NAV2: variants seen among roughly 807,000 people sequenced by gnomAD.
NAV2 encodes neuron navigator 2.
NAV2 carries 54 observed loss-of-function variants against 223.2 expected under a neutral mutation model. The observed-to-expected ratio is 0.24, with a 90% confidence interval of 0.19 to 0.30. The LOEUF (loss-of-function observed/expected upper bound fraction) is 0.30. Among genes scored for constraint, NAV2 ranks in the 10% least tolerant of loss-of-function variants. The pLI, the probability that NAV2 is intolerant of heterozygous loss-of-function variation, is 1.00. For missense variants in NAV2, 2,806 were observed against 3,147.5 expected, an observed-to-expected ratio of 0.89 and a Z score of 2.60; for synonymous variants, 1,279 against 1,239.3, an observed-to-expected ratio of 1.03 and a Z score of -0.67.
chr11:19,401,036 C>T (rs1325748325), intron 1 of NAV2, among the ~76,000 whole-genome samples: 1 of 152,166 alleles, frequency 6.6e-6, no homozygotes, highest in Non-Finnish European at 1.5e-5. Flanking sequence ...CAGAATAACT[C>T]CTACCACAGA....
chr11:19,522,115 G>A lies in NAV2; in HGVS notation c.75+171088G>A, dbSNP rs373847014. On this transcript the variant is annotated intron_variant, in intron 1 of 37. Transcript: ENST00000360655. ...GTCACAAGACAGTAAATGAGCTCAAGGACTTGTTGGTGCCCGACATACGCC... is the reference window on the plus strand; with the variant it reads ...GTCACAAGACAGTAAATGAGCTCAAAGACTTGTTGGTGCCCGACATACGCC... 7.2e-5 allele frequency among the ~76,000 whole-genome samples: 11 copies of A among 152,284 alleles called. No individual in the cohort carries two copies. In the East Asian group the frequency reaches 1.4e-3, roughly 19 times the overall value.
intron 1 of NAV2, among the ~76,000 whole-genome samples, chr11:19,706,175 TAA>T (rs2049656774): frequency 6.6e-6 from 1 of 152,222 alleles, no homozygotes; most frequent in South Asian, 2.1e-4. Flanking sequence ...AGTCACAGTC[TAA>T]GTTTTAAATA....
At chr11:19,831,223 C>CGGTGGGGGGGGGGGGGGG (rs1555083701) in intron 1 of NAV2, among the ~76,000 whole-genome samples, 1 of 870 alleles carries the variant, frequency 1.1e-3, no homozygotes. Context: ...AGGAGTGTTG[C>CGGTGGGGGGGGGGGGGGG]GGGGGGGGGG....
chr11:19,634,015 T>G (rs182988268), intron 1 of NAV2, among the ~76,000 whole-genome samples: 1 of 152,246 alleles, frequency 6.6e-6, no homozygotes, highest in African/African-American at 2.4e-5. Flanking sequence ...CATAAAGGTA[T>G]GTTCCTTCCT....
At chr11:19,783,783 G>A (rs1275648389) in intron 1 of NAV2, among the ~76,000 whole-genome samples, 1 of 152,134 alleles carries the variant, frequency 6.6e-6, no homozygotes, top group African/African-American at 2.4e-5. Context: ...GGGTTGTTTA[G>A]TAAGATACAG....
intron 6 of NAV2, among the ~76,000 whole-genome samples, chr11:19,898,446 A>G (rs1438584264): frequency 6.6e-6 from 1 of 152,236 alleles, no homozygotes; most frequent in Non-Finnish European, 1.5e-5. Context: ...ACCCGTACAC[A>G]CATTGATATT....
chr11:19,930,487 T>G (rs921380019), intron 6 of NAV2, among the ~76,000 whole-genome samples: 1 of 152,192 alleles, frequency 6.6e-6, no homozygotes, highest in South Asian at 2.1e-4. Context: ...AGGACAGTGT[T>G]GCAACCTGCC....
At chr11:19,900,747 T>C in intron 6 of NAV2, among the ~76,000 whole-genome samples, 1 of 152,328 alleles carries the variant, frequency 6.6e-6, no homozygotes, top group South Asian at 2.1e-4. Context: ...TTATGGTTTT[T>C]CCCATCCAGA....
At chr11:20,083,444 C>T (rs531856992) in intron 26 of NAV2, among the ~76,000 whole-genome samples, 1 of 152,188 alleles carries the variant, frequency 6.6e-6, no homozygotes, top group South Asian at 2.1e-4. Flanking sequence ...TGTTTCCATA[C>T]CTCTATATAT....
In NAV2 at chr11:19,515,336, A is replaced by G. The variant is rs755202729; in HGVS notation, c.75+164309A>G. 5.3e-4 allele frequency among the ~76,000 whole-genome samples: 81 copies of G among 152,160 alleles called. 1 individual carries two copies. Among genetic ancestry groups the G allele is most frequent in the Non-Finnish European group, 1.1e-3 (74 of 68,030 alleles). ...GGGGTTCACAGCACTTACAGCTCAA[A>G]TATTATATTCCATGCCTGAGAGGGA... is the stretch of plus-strand genomic sequence containing the variant. On this transcript the variant is annotated intron_variant, in intron 1 of 37. Coordinates refer to the NAV2 transcript ENST00000360655.
intron 11 of NAV2, among the ~76,000 whole-genome samples, chr11:20,020,056 G>C (rs142923850): frequency 0.01 from 1,558 of 152,106 alleles, 29 homozygotes; most frequent in African/African-American, 0.036. Flanking sequence ...TCAGCCTGCA[G>C]GGAAAAGCCA....
At chr11:19,366,798 G>T (rs1590060938) in intron 1 of NAV2, among the ~76,000 whole-genome samples, 1 of 152,138 alleles carries the variant, frequency 6.6e-6, no homozygotes, top group Non-Finnish European at 1.5e-5. Context: ...CTGAGAATGT[G>T]CATAGTGAGA....
chr11:20,075,707 C>G (rs1382455039), intron 22 of NAV2, among the ~76,000 whole-genome samples: 1 of 152,068 alleles, frequency 6.6e-6, no homozygotes, highest in Non-Finnish European at 1.5e-5. Flanking sequence ...CCTCTCTTTA[C>G]CCCTCACATC....
chr11:19,946,897 G>A (rs939043624), intron 9 of NAV2, among the ~76,000 whole-genome samples: 5 of 152,272 alleles, frequency 3.3e-5, no homozygotes, highest in African/African-American at 1.2e-4. Context: ...GCAGCACTCT[G>A]TAATATTGTT....
At chr11:20,089,469 G>C (rs1289736835) in intron 26 of NAV2, among the ~76,000 whole-genome samples, 1 of 152,168 alleles carries the variant, frequency 6.6e-6, no homozygotes, top group Non-Finnish European at 1.5e-5. Flanking sequence ...CAGTTTTACA[G>C]GTCAGGTTTT....
chr11:19,525,310 G>A (rs1383510277), intron 1 of NAV2, among the ~76,000 whole-genome samples: 1 of 152,166 alleles, frequency 6.6e-6, no homozygotes, highest in Non-Finnish European at 1.5e-5. Context: ...CCTACACCAT[G>A]TTTCAGATCA....
At chr11:19,581,615 A>G (rs1265886129) in intron 1 of NAV2, among the ~76,000 whole-genome samples, 1 of 151,556 alleles carries the variant, frequency 6.6e-6, no homozygotes, top group Non-Finnish European at 1.5e-5. Flanking sequence ...AACATGCGGT[A>G]TTTGGTTTTT....
At chr11:19,783,544 C>T (rs973735021) in intron 1 of NAV2, among the ~76,000 whole-genome samples, 1 of 152,128 alleles carries the variant, frequency 6.6e-6, no homozygotes, top group Non-Finnish European at 1.5e-5. Context: ...TATGAACCCT[C>T]GTCTGATTCT....
chr11:19,428,403 G>T (rs1170813865), intron 1 of NAV2, among the ~76,000 whole-genome samples: 2 of 152,116 alleles, frequency 1.3e-5, no homozygotes, highest in African/African-American at 4.8e-5. Context: ...ATTAATGTGG[G>T]GCCTCACTGA....
Sources: gnomAD v4.1 joint callset for allele counts (sites outside exome capture counted in the v4.1 genomes callset) on GRCh38, gnomAD v4.1.1 for gene constraint, MANE v1.5 for transcripts, NCBI Gene and HGNC (gene_info 2026-07-23, HGNC 2026-07-21) for gene names.